TNNT3: variants seen among roughly 807,000 people sequenced by gnomAD.
TNNT3 encodes troponin T3, fast skeletal type.
TNNT3 carries 36 observed loss-of-function variants against 54.2 expected under a neutral mutation model. The observed-to-expected ratio is 0.66, with a 90% confidence interval of 0.51 to 0.88. The LOEUF (loss-of-function observed/expected upper bound fraction) is 0.88, where lower values mean the gene tolerates loss of function less well. Ranked by LOEUF, TNNT3 falls within the 40% of genes least tolerant of loss-of-function variation. The pLI is 0.00. For missense variants in TNNT3, 291 were observed against 331.6 expected, an observed-to-expected ratio of 0.88 and a Z score of 0.95; for synonymous variants, 120 against 109.7, an observed-to-expected ratio of 1.09 and a Z score of -0.59.
Position 1,936,232 on chromosome 11 carries a change from A to C in TNNT3, c.682-731A>C, listed in dbSNP as rs201632854. 366 of 1,613,876 alleles carry C rather than the reference A, an allele frequency of 2.3e-4. No individual in the cohort carries two copies. In the East Asian group the frequency reaches 6.1e-3, roughly 27 times the overall value. ...TTTCTAGATCATGAATGTCCGGGCC[A>C]GAGTGCAGATGCTGGCCAAGTTGTA... On this transcript the variant is annotated intron_variant, in intron 14 of 15. Transcript: ENST00000278317.
intron 15 of TNNT3, 24 bp from the exon 16 acceptor site, chr11:1,938,414 G>T: frequency 6.2e-7 from 1 of 1,612,898 alleles, no homozygotes; most frequent in Non-Finnish European, 8.5e-7. Context: ...TGACCCTGAA[G>T]GATCACTTGC....
At chr11:1,920,068 G>A (rs926908611) in intron 1 of TNNT3, among the ~76,000 whole-genome samples, 1 of 152,188 alleles carries the variant, frequency 6.6e-6, no homozygotes, top group Admixed American at 6.5e-5. Context: ...GTGCTAGGGA[G>A]TGGCCTGAGG....
intron 1 of TNNT3, among the ~76,000 whole-genome samples, chr11:1,922,246 G>A (rs536230768): frequency 6.6e-6 from 1 of 152,190 alleles, no homozygotes; most frequent in Non-Finnish European, 1.5e-5. Flanking sequence ...GAGGGGTGTG[G>A]TGGGACACAC....
rs372817628 is a variant in TNNT3 at position 1,926,800 on chromosome 11, G to A, written c.82+91G>A. 195 of 1,551,716 alleles carry A rather than the reference G, an allele frequency of 1.3e-4. 2 individuals carry two copies. The highest frequency in any genetic ancestry group is 5.0e-5 in the Admixed American group (3 of 59,884). The stretch of plus-strand genomic sequence containing the variant: ...CTCCCTCTTGCCCACCCCTTGTGAC[G>A]TTTGCCACCAACAACTGAACCCGTT... On this transcript the variant is annotated intron_variant, in intron 6 of 15. Coordinates refer to ENST00000278317, the MANE Select transcript of TNNT3 (RefSeq NM_006757.4).
At chr11:1,937,117 G>A (rs1019249225) in intron 15 of TNNT3, 114 bp downstream of exon 15, 11 of 1,197,750 alleles carry the variant, frequency 9.2e-6, no homozygotes, top group Admixed American at 4.0e-5. Context: ...GGGCAGTAAC[G>A]AGACTAACCC....
At chr11:1,923,614 G>C (rs1850697055) in intron 4 of TNNT3, 42 bp downstream of exon 4, 1 of 1,552,250 alleles carries the variant, frequency 6.4e-7, no homozygotes, top group East Asian at 2.3e-5. Flanking sequence ...GCCCCTCCTT[G>C]GAACTTAACC....
At chr11:1,938,207 G>A in intron 15 of TNNT3, 1 of 585,308 alleles carries the variant, frequency 1.7e-6, no homozygotes. Context: ...CAGAGGGAGG[G>A]TGCCCCGGGC....
In TNNT3 at chr11:1,938,535, T is replaced by C. The variant is rs1403181968; in HGVS notation, c.*43T>C. The C allele has an allele frequency of 2.5e-6, 4 of 1,596,754 alleles. No homozygotes were observed. In the South Asian group the frequency reaches 4.4e-5, roughly 18 times the overall value. On this transcript the variant is annotated 3_prime_UTR_variant, in exon 16 of 16. Transcript: ENST00000278317. ...CTCGAGGCAGAGACCCTCCGCCCTCTTGCACACCAGGGCCGCTCGTGGGAC... is the reference window on the plus strand; with the variant it reads ...CTCGAGGCAGAGACCCTCCGCCCTCCTGCACACCAGGGCCGCTCGTGGGAC...
At position 1,929,681 on chromosome 11, in the gene TNNT3, G is replaced by A. The variant is rs1852746885; in HGVS notation, c.107-129G>A. On this transcript the variant is annotated intron_variant, in intron 7 of 15. Transcript: ENST00000278317. ...TTTCTGGGGGTTGGGGGTACTCCCA[G>A]CTGAAAAGGACGGTGGCCTTCAGTG... is the stretch of plus-strand genomic sequence containing the variant. 14 of 1,015,496 alleles carry A rather than the reference G, an allele frequency of 1.4e-5. No individual in the cohort carries two copies. In the South Asian group the frequency reaches 1.9e-4, roughly 14 times the overall value. 62.9% of individuals were successfully genotyped at this position (1,015,496 alleles called of 1,614,324 possible). A position where few individuals can be genotyped will look rare whatever the true frequency, so the allele number is the denominator to read the frequency against.
intron 15 of TNNT3, 51 bp downstream of exon 15, chr11:1,937,054 G>A (rs754900455): frequency 3.1e-4 from 479 of 1,545,998 alleles, no homozygotes; most frequent in Non-Finnish European, 4.0e-4. Context: ...GGCCCTTGGG[G>A]CCAGCCGCTG....
chr11:1,937,000 A>G lies in TNNT3; in HGVS notation c.719A>G (p.Lys240Arg), dbSNP rs1454715990. ...TLRSRIDQAQ[K>R]HSKKAGTPAK... ...AGGAGCCGCATTGACCAGGCCCAGA[A>G]GCAGTGAGTAGCCCTGCCGTCCTCG... The change falls in exon 15 of 16, where the codon AAG becomes AGG. Residue 240 changes from lysine to arginine, a missense_variant. Transcript: ENST00000278317. The G allele has an allele frequency of 3.7e-6, 6 of 1,602,366 alleles. No individual in the cohort carries two copies. The highest frequency in any genetic ancestry group is 5.1e-6 in the Non-Finnish European group (6 of 1,175,960).
chr11:1,934,472 G>A (rs765310259), intron 12 of TNNT3, 27 bp downstream of exon 12: 12 of 1,611,074 alleles, frequency 7.4e-6, no homozygotes, highest in Non-Finnish European at 1.0e-5. Context: ...GGAGCACGGT[G>A]GTAGCCTTCA....
Position 1,934,580 on chromosome 11 carries a change from G to T in TNNT3, c.515G>T (p.Arg172Leu). 6.2e-7 allele frequency: 1 copy of T among 1,609,752 alleles called. No homozygotes were observed. Among genetic ancestry groups the T allele is most frequent in the Non-Finnish European group, 8.5e-7 (1 of 1,178,488 alleles). ...AAGAGAGGCAAGAAGCAGACAGCCC[G>T]GGAAATGAAGAAGAAGATTCTGGCT... is the stretch of plus-strand genomic sequence containing the variant. ...DQKRGKKQTAREMKKKILAER... is the reference protein window; with the variant it reads ...DQKRGKKQTALEMKKKILAER... The change falls in exon 13 of 16, where the codon CGG (arginine) becomes CTG (leucine). Residue 172 changes from arginine (R) to leucine (L), a missense_variant. By Grantham distance (102) the Arg-to-Leu change is moderately radical (BLOSUM62 -2). Coordinates refer to ENST00000278317, the MANE Select transcript of TNNT3 (RefSeq NM_006757.4).
chr11:1,937,853 G>T (rs2133555349), intron 15 of TNNT3, among the ~76,000 whole-genome samples: 1 of 152,346 alleles, frequency 6.6e-6, no homozygotes, highest in South Asian at 2.1e-4. Flanking sequence ...GTGTGCATGT[G>T]TGCATGTGCC....
At chr11:1,923,489 C>T (rs1408917051) in intron 3 of TNNT3, 66 bp from the exon 4 acceptor site, 3 of 1,560,762 alleles carry the variant, frequency 1.9e-6, no homozygotes, top group Non-Finnish European at 2.7e-6. Context: ...GGCCTCTCAT[C>T]CTCCTCCTCC....
chr11:1,936,039 C>T (rs1479037160), intron 14 of TNNT3, among the ~76,000 whole-genome samples: 1 of 152,198 alleles, frequency 6.6e-6, no homozygotes, highest in Non-Finnish European at 1.5e-5. Context: ...AGGTCCTTCC[C>T]ATGCTGTGTT....
chr11:1,929,651 T>G (rs1258306861), intron 7 of TNNT3, among the ~76,000 whole-genome samples, 159 bp from the exon 8 acceptor site: 2 of 152,192 alleles, frequency 1.3e-5, no homozygotes, highest in Non-Finnish European at 2.9e-5. Flanking sequence ...AACAGGACCC[T>G]CTTGTTTCTG....
In TNNT3 at chr11:1,924,296, G is replaced by A. The variant is rs556448082; in HGVS notation, c.49+724G>A. 2.7e-3 allele frequency among the ~76,000 whole-genome samples: 413 copies of A among 152,240 alleles called. 5 individuals carry two copies. Among genetic ancestry groups the A allele is most frequent in the African/African-American group, 9.7e-3 (402 of 41,524 alleles). On this transcript the variant is annotated intron_variant, in intron 4 of 15. Coordinates refer to ENST00000278317, the MANE Select transcript of TNNT3 (RefSeq NM_006757.4). ...TGCTGGCCAGGTGTGGTCTGTGGGC[G>A]TCTCCATCGTGCCCGGGCAGGCGTG...
chr11:1,927,708 G>C (rs1261334904), intron 6 of TNNT3: 1 of 152,592 alleles, frequency 6.6e-6, no homozygotes, highest in South Asian at 2.1e-4. Flanking sequence ...TTTGCCGCTT[G>C]GCTGTGTGCT....
Sources: allele counts gnomAD v4.1 joint callset (sites outside exome capture counted in the v4.1 genomes callset), GRCh38; gene constraint gnomAD v4.1.1; transcripts MANE v1.5; gene names NCBI Gene and HGNC (gene_info 2026-07-23, HGNC 2026-07-21).